Variants in FBLN7 observed in about 807,000 individuals in gnomAD.
The protein encoded by FBLN7 is fibulin-7.
FBLN7 carries 31 observed loss-of-function variants against 44.0 expected under a neutral mutation model. The observed-to-expected ratio is 0.70, with a 90% CI of 0.53 to 0.95. The LOEUF is 0.95. Ranked by LOEUF, FBLN7 falls within the 40% of genes least tolerant of loss-of-function variation. FBLN7 has a pLI of 0.00. For missense variants in FBLN7, 573 were observed against 618.5 expected (o/e 0.93, Z 0.78); for synonymous variants, 262 against 253.4 (o/e 1.03, Z -0.32).
the FBLN7 span, chr2:112,238,721 G>T: frequency 1.2e-5 from 5 of 431,902 alleles, no homozygotes; most frequent in Non-Finnish European, 2.0e-5. Flanking sequence ...AAAATTTCCA[G>T]AATTAAAAAC....
In FBLN7 at chr2:112,138,663, C is replaced by A. The variant is rs759455796; in HGVS notation, c.8C>A (p.Pro3His). Residue 3 changes from proline to histidine, a missense_variant, in exon 1 of 8, where the codon CCC becomes CAC. Coordinates refer to ENST00000331203, the MANE Select transcript of FBLN7 (RefSeq NM_153214.3). Reference protein sequence around the residue: MVPSSPRALFLLL... With the variant: MVHSSPRALFLLL... ...GGGATTCCGACTGGCAAGATGGTGC[C>A]CAGCTCTCCGCGCGCGCTCTTCCTT... 10 of 1,613,698 alleles carry A rather than the reference C, an allele frequency of 6.2e-6. No homozygotes were observed. The highest frequency in any genetic ancestry group is 7.6e-6 in the Non-Finnish European group (9 of 1,179,898).
chr2:112,201,452 G>GC, the FBLN7 span, among the ~76,000 whole-genome samples: 9 of 152,206 alleles, frequency 5.9e-5, no homozygotes, highest in Non-Finnish European at 1.3e-4. Flanking sequence ...TCCCTGCCTT[G>GC]CCGTTCCAGC....
At chr2:112,210,776 T>C in the FBLN7 span, among the ~76,000 whole-genome samples, 1 of 151,996 alleles carries the variant, frequency 6.6e-6, no homozygotes, top group African/African-American at 2.4e-5. Context: ...TGTACATTTA[T>C]ACATACACAC....
the FBLN7 span, among the ~76,000 whole-genome samples, chr2:112,225,039 T>C: frequency 1.3e-5 from 2 of 152,352 alleles, 1 homozygote; most frequent in South Asian, 4.1e-4. Flanking sequence ...TTCTGTTTGA[T>C]GCTACTGAAT....
the FBLN7 span, chr2:112,236,799 C>T: frequency 3.7e-6 from 4 of 1,073,506 alleles, no homozygotes; most frequent in South Asian, 1.6e-5. Context: ...GTAATCCCAG[C>T]TCTTTGGGAG....
chr2:112,185,961 T>A (rs530645644), intron 7 of FBLN7, among the ~76,000 whole-genome samples: 1 of 151,486 alleles, frequency 6.6e-6, no homozygotes, highest in Admixed American at 6.6e-5. Flanking sequence ...CAAAAAGAGA[T>A]CACAAGAGCC....
Position 112,185,320 on chromosome 2 carries a change from T to TACGTGAAG in FBLN7, c.933_940dup (p.Ser314Ter), listed in dbSNP as rs765762051. 1 of 1,613,814 alleles carries TACGTGAAG rather than the reference T, an allele frequency of 6.2e-7. No homozygotes were observed. The highest frequency in any genetic ancestry group is 8.5e-7 in the Non-Finnish European group (1 of 1,179,782). ...CCCCGAGGGCAGCGGCAATGTGAGC[T>TACGTGAAG]ACGTGAAGACGTCTCCATTGTGAGT... On this transcript the variant is annotated frameshift_variant, in exon 7 of 8. Coordinates refer to ENST00000331203, the MANE Select transcript of FBLN7 (RefSeq NM_153214.3). LOFTEE classifies it high-confidence loss of function.
intron 1 of FBLN7, among the ~76,000 whole-genome samples, chr2:112,157,720 C>A (rs1424014251): frequency 2.0e-5 from 3 of 152,200 alleles, no homozygotes; most frequent in African/African-American, 7.2e-5. Flanking sequence ...ACCTCCCAGG[C>A]TCAAGTGATC....
rs1309877738 is a variant in FBLN7 at position 112,160,738 on chromosome 2, G to A, written c.235+903G>A. 3.0e-5 allele frequency among the ~76,000 whole-genome samples: 4 copies of A among 135,258 alleles called. 1 individual carries two copies. The South Asian group carries it at 7.1e-4, about 24-fold the overall frequency. 88.7% of individuals were successfully genotyped at this position (135,258 alleles called of 152,430 possible). The stretch of plus-strand genomic sequence containing the variant: ...CAAGCACGCGCACACGCACGCACAC[G>A]CACACACGCGCACGCACACACGCAC... On this transcript the variant is annotated intron_variant, in intron 2 of 7. Transcript: ENST00000331203.
the FBLN7 span, among the ~76,000 whole-genome samples, chr2:112,204,302 C>G: frequency 6.6e-6 from 1 of 150,672 alleles, no homozygotes; most frequent in African/African-American, 2.4e-5. Context: ...ACTATCTGAG[C>G]CTTAGATATT....
the FBLN7 span, among the ~76,000 whole-genome samples, chr2:112,210,087 G>A: frequency 2.3e-4 from 35 of 151,720 alleles, no homozygotes; most frequent in Admixed American, 9.8e-4. Context: ...GGGATGGGGA[G>A]GAATCCAGAT....
chr2:112,175,187 A>C (rs547404425), intron 3 of FBLN7, among the ~76,000 whole-genome samples: 1 of 152,356 alleles, frequency 6.6e-6, no homozygotes, highest in Non-Finnish European at 1.5e-5. Context: ...AATTTGGAGA[A>C]TTCATTTTCC....
At chr2:112,240,952 A>AGTGTGTGT in the FBLN7 span, among the ~76,000 whole-genome samples, 958 of 142,698 alleles carry the variant, frequency 6.7e-3, 13 homozygotes, top group African/African-American at 0.015. Flanking sequence ...TACAGGTAAC[A>AGTGTGTGT]GTGTGTGTGT....
At chr2:112,180,789 G>A (rs1386236577) in intron 4 of FBLN7, among the ~76,000 whole-genome samples, 1 of 151,974 alleles carries the variant, frequency 6.6e-6, no homozygotes, top group Non-Finnish European at 1.5e-5. Flanking sequence ...CCGGTGTGGT[G>A]GCGGGCGCCT....
At chr2:112,234,500 GA>G in the FBLN7 span, among the ~76,000 whole-genome samples, 882 of 152,200 alleles carry the variant, frequency 5.8e-3, 10 homozygotes, top group Non-Finnish European at 7.8e-3. Flanking sequence ...AAAAATGAAT[GA>G]AAAAAATTTT....
At chr2:112,213,247 G>A in the FBLN7 span, 1 of 152,166 alleles carries the variant, frequency 6.6e-6, no homozygotes, top group Admixed American at 6.5e-5. Context: ...CGAGATTCAA[G>A]GTGTGAGCCA....
At chr2:112,230,596 TAC>T in the FBLN7 span, 1 of 173,560 alleles carries the variant, frequency 5.8e-6, no homozygotes, top group Non-Finnish European at 1.2e-5. Flanking sequence ...GAGAGTATGA[TAC>T]AGTCTGATAA....
At chr2:112,223,952 G>A in the FBLN7 span, among the ~76,000 whole-genome samples, 1 of 152,106 alleles carries the variant, frequency 6.6e-6, no homozygotes, top group Non-Finnish European at 1.5e-5. Flanking sequence ...AGACCAGGCT[G>A]GCCAAAATGG....
the FBLN7 span, chr2:112,236,520 C>T: frequency 1.2e-6 from 2 of 1,600,094 alleles, no homozygotes; most frequent in Non-Finnish European, 1.7e-6. Flanking sequence ...AGTCCAAAAG[C>T]ATGCAGGGGT....
Sources: gnomAD v4.1 joint callset for allele counts (sites outside exome capture counted in the v4.1 genomes callset) on GRCh38, gnomAD v4.1.1 for gene constraint, MANE v1.5 for transcripts, NCBI Gene and HGNC (gene_info 2026-07-23, HGNC 2026-07-21) for gene names.